Variants in CELF2 observed in about 807,000 individuals in gnomAD.
CELF2 encodes CUG triplet repeat RNA-binding protein 2.
Under a neutral mutation model 62.6 loss-of-function variants are expected in CELF2, and 8 were observed. The ratio of observed to expected loss-of-function variants is 0.13; its 90% CI spans 0.07 to 0.23. CELF2 has a LOEUF of 0.23. CELF2 is among the 10% of genes least tolerant of loss of function. CELF2 has a pLI of 1.00. For synonymous variants in CELF2, 258 were observed against 250.0 expected (o/e 1.03, Z -0.30); for missense variants, 333 against 671.0 (o/e 0.50, Z 5.56).
chr10:10,787,187 T>C, the CELF2 span, among the ~76,000 whole-genome samples: 1 of 151,946 alleles, frequency 6.6e-6, no homozygotes, highest in African/African-American at 2.4e-5. Context: ...TTCTCACTTT[T>C]TAATGCTTCA....
At chr10:10,907,265 A>C (rs1444195329) in intron 1 of CELF2, among the ~76,000 whole-genome samples, 1 of 152,192 alleles carries the variant, frequency 6.6e-6, no homozygotes, top group East Asian at 1.9e-4. Context: ...TTAATGATGG[A>C]ATTTTTTAAA....
At chr10:10,968,129 A>G (rs1349961545) in intron 2 of CELF2, among the ~76,000 whole-genome samples, 1 of 149,294 alleles carries the variant, frequency 6.7e-6, no homozygotes, top group Non-Finnish European at 1.5e-5. Context: ...AAGGTCAACA[A>G]AACGCACAGG....
At chr10:10,604,727 T>A in the CELF2 span, among the ~76,000 whole-genome samples, 200 of 152,356 alleles carry the variant, frequency 1.3e-3, no homozygotes, top group African/African-American at 4.4e-3. Flanking sequence ...ATGTCTTACT[T>A]CTTCATTATT....
At chr10:10,654,080 C>G in the CELF2 span, among the ~76,000 whole-genome samples, 1 of 148,164 alleles carries the variant, frequency 6.7e-6, no homozygotes, top group South Asian at 2.3e-4. Flanking sequence ...TCAGAGAATA[C>G]TACAAACACC....
the CELF2 span, among the ~76,000 whole-genome samples, chr10:10,538,417 A>C: frequency 6.6e-6 from 1 of 152,156 alleles, no homozygotes; most frequent in Non-Finnish European, 1.5e-5. Flanking sequence ...TAGAGGCTAC[A>C]CAGTGCACCT....
At chr10:11,062,811 G>T (rs1337896738) in intron 1 of CELF2, among the ~76,000 whole-genome samples, 1 of 152,188 alleles carries the variant, frequency 6.6e-6, no homozygotes, top group Non-Finnish European at 1.5e-5. Flanking sequence ...AATTTTAAAA[G>T]AAGTTCTAAC....
At position 10,968,742 on chromosome 10, in the gene CELF2, AC is replaced by A. The variant is rs376640728; in HGVS notation, c.89+48744del. ...AAAAGTGGTGAAAAGAAAAAAAAAA[AC>A]ATTCATTTATCGTGGTGGGACCATT... On this transcript the variant is annotated intron_variant, in intron 2 of 13. Coordinates refer to the CELF2 transcript ENST00000636488. 3.2e-3 allele frequency among the ~76,000 whole-genome samples: 491 copies of A among 151,326 alleles called. 2 individuals are homozygous for A. Among genetic ancestry groups the A allele is most frequent in the African/African-American group, 0.011 (469 of 41,488 alleles).
the CELF2 span, among the ~76,000 whole-genome samples, chr10:10,582,554 C>G: frequency 6.6e-6 from 1 of 152,170 alleles, no homozygotes; most frequent in Non-Finnish European, 1.5e-5. Context: ...CTCTCCCAAT[C>G]CTTTCCAATT....
upstream of CELF2, among the ~76,000 whole-genome samples, chr10:10,796,016 C>T (rs779392160): frequency 5.3e-5 from 8 of 152,066 alleles, no homozygotes; most frequent in Admixed American, 3.9e-4. Context: ...AGTTGTTCCC[C>T]GCAGTTGCCT....
chr10:11,291,939 C>T (rs961841556), intron 9 of CELF2, among the ~76,000 whole-genome samples: 1 of 152,206 alleles, frequency 6.6e-6, no homozygotes, highest in African/African-American at 2.4e-5. Flanking sequence ...ATTGCATTCA[C>T]GTACCATGTT....
At position 11,110,393 on chromosome 10, in the gene CELF2, G is replaced by T. The variant is rs1464765556; in HGVS notation, c.75-55093G>T. ...TCATTGAGTGGAACAGAAAAAATGT[G>T]AAACGATGAAGTTTTAGGAAGCCAT... On this transcript the variant is annotated intron_variant, in intron 1 of 12. Transcript: ENST00000633077. The surrounding 1 kb of genome is among the most constrained non-coding windows in gnomAD (Gnocchi z 4.0). 2.6e-5 allele frequency among the ~76,000 whole-genome samples: 4 copies of T among 152,342 alleles called. No individual in the cohort carries two copies. The East Asian group carries it at 7.7e-4, about 29-fold the overall frequency.
At chr10:10,668,868 A>T in the CELF2 span, among the ~76,000 whole-genome samples, 1 of 152,186 alleles carries the variant, frequency 6.6e-6, no homozygotes, top group South Asian at 2.1e-4. Flanking sequence ...TGAGGCAGGA[A>T]AATTGCTTGA....
chr10:10,940,648 T>C (rs1041888820), intron 2 of CELF2, among the ~76,000 whole-genome samples: 1 of 152,204 alleles, frequency 6.6e-6, no homozygotes, highest in Non-Finnish European at 1.5e-5. Context: ...CATCTAGGAA[T>C]AGCATGGGAT....
At position 11,128,632 on chromosome 10, in the gene CELF2, T is replaced by G. The variant is rs557784044; in HGVS notation, c.75-36854T>G. On this transcript the variant is annotated intron_variant, in intron 1 of 12. Coordinates refer to ENST00000633077, the MANE Select transcript of CELF2 (RefSeq NM_001326342.2). ...GGATTCTTAGGTATTTTATTCTCTTTGAAGCAATTGTGAATGGGAGTTCAC... is the reference window on the plus strand; with the variant it reads ...GGATTCTTAGGTATTTTATTCTCTTGGAAGCAATTGTGAATGGGAGTTCAC... 2.6e-5 allele frequency among the ~76,000 whole-genome samples: 4 copies of G among 152,350 alleles called. No individual in the cohort carries two copies. In the South Asian group the frequency reaches 8.3e-4, roughly 32 times the overall value.
intron 2 of CELF2, among the ~76,000 whole-genome samples, chr10:11,197,733 G>T (rs1250578677): frequency 6.6e-6 from 1 of 152,170 alleles, no homozygotes; most frequent in African/African-American, 2.4e-5. Flanking sequence ...TCCCAAATGG[G>T]GATCTCATTT....
the CELF2 span, among the ~76,000 whole-genome samples, chr10:10,531,034 GTC>G: frequency 6.6e-6 from 1 of 152,296 alleles, no homozygotes; most frequent in East Asian, 1.9e-4. Flanking sequence ...TCATGGTTGT[GTC>G]TCTCTGTGCT....
the CELF2 span, among the ~76,000 whole-genome samples, chr10:10,701,910 A>G: frequency 6.6e-6 from 1 of 152,230 alleles, no homozygotes; most frequent in Non-Finnish European, 1.5e-5. Context: ...AATTAGATTT[A>G]GTCTGAATGC....
the CELF2 span, among the ~76,000 whole-genome samples, chr10:10,653,906 T>A: frequency 1.3e-5 from 2 of 151,492 alleles, no homozygotes; most frequent in African/African-American, 2.4e-5. Flanking sequence ...AAAAAACCCT[T>A]CAAAACATCA....
intron 1 of CELF2, among the ~76,000 whole-genome samples, chr10:11,161,398 A>G (rs1446412048): frequency 6.6e-6 from 1 of 152,230 alleles, no homozygotes; most frequent in Non-Finnish European, 1.5e-5. Flanking sequence ...GGGGCCTGCG[A>G]GTGGTCACCG....
Sources: gnomAD v4.1 joint callset for allele counts (sites outside exome capture counted in the v4.1 genomes callset) on GRCh38, gnomAD v4.1.1 for gene constraint, Gnocchi (gnomAD v3.1) non-coding constraint, MANE v1.5 for transcripts, NCBI Gene and HGNC (gene_info 2026-07-23, HGNC 2026-07-21) for gene names.